The following PREPL variants were observed in gnomAD, a reference collection of about 807,000 sequenced individuals.
The protein encoded by PREPL is prolyl endopeptidase-like.
Under a neutral mutation model 70.6 loss-of-function variants are expected in PREPL, and 77 were observed. The ratio of observed to expected loss-of-function variants is 1.09; its 90% CI spans 0.91 to 1.32. The LOEUF (loss-of-function observed/expected upper bound fraction) is 1.32. Among genes scored for constraint, PREPL ranks in the 40% most tolerant of loss-of-function variants. PREPL has a pLI of 0.00. For synonymous variants in PREPL, 315 were observed against 264.8 expected (o/e 1.19, Z -1.84); for missense variants, 1,002 against 778.2 (o/e 1.29, Z -3.42).
intron 3 of PREPL, 122 bp from the exon 4 acceptor site, chr2:44,344,073 C>A: frequency 8.6e-7 from 1 of 1,165,528 alleles, no homozygotes. Flanking sequence ...TAGCTTCTTT[C>A]AACAATGATG....
At chr2:44,356,874 A>ACCTCACTGCAG (rs149319203) in intron 1 of PREPL, among the ~76,000 whole-genome samples, 19,058 of 141,078 alleles carry the variant, frequency 0.14, 3,946 homozygotes, top group African/African-American at 0.44. Context: ...CTGTGCCTCA[A>ACCTCACTGCAG]CCTCACTGCA....
chr2:44,328,384 C>A (rs1486388543), intron 9 of PREPL, among the ~76,000 whole-genome samples: 2 of 132,788 alleles, frequency 1.5e-5, no homozygotes, highest in African/African-American at 5.8e-5. Flanking sequence ...TTGCAGTGAG[C>A]CGAGATTGTG....
Position 44,326,808 on chromosome 2 carries a change from T to G in PREPL, c.1383A>C (p.Pro461=). 6.2e-7 allele frequency: 1 copy of G among 1,614,160 alleles called. No homozygotes were observed. Among genetic ancestry groups the G allele is most frequent in the Non-Finnish European group, 8.5e-7 (1 of 1,180,032 alleles). The change falls in exon 10 of 14, where the codon CCA becomes CCC. Residue 461 remains proline, a synonymous_variant. Coordinates refer to ENST00000409411, the MANE Select transcript of PREPL (RefSeq NM_001171613.2). ...TGAAAGCAGTCAGGGTTGTTAGACT[T>G]GGCTGAGAAAAGCCTTGGCCATGAA... is the stretch of plus-strand genomic sequence containing the variant. The part of the protein sequence containing the change: ...KTLHGQGFSQ[P]SLTTLTAFSA...
intron 4 of PREPL, among the ~76,000 whole-genome samples, chr2:44,343,307 T>A (rs771322210): frequency 1.3e-5 from 2 of 152,168 alleles, no homozygotes; most frequent in Admixed American, 6.6e-5. Flanking sequence ...ACAGCTTCCA[T>A]TGATAAACAG....
At chr2:44,346,474 G>A (rs894771570) in intron 1 of PREPL, 84 bp from the exon 2 acceptor site, 60 of 1,259,114 alleles carry the variant, frequency 4.8e-5, no homozygotes, top group South Asian at 4.3e-4. Context: ...GGTCTATACC[G>A]TAGACTTAAC....
At chr2:44,348,138 C>T (rs528481553) in intron 1 of PREPL, among the ~76,000 whole-genome samples, 1 of 152,130 alleles carries the variant, frequency 6.6e-6, no homozygotes, top group African/African-American at 2.4e-5. Context: ...AATCTTCCTG[C>T]CTCAGCCTCC....
At chr2:44,343,584 G>A (rs1362879902) in intron 4 of PREPL, among the ~76,000 whole-genome samples, 161 bp downstream of exon 4, 1 of 152,020 alleles carries the variant, frequency 6.6e-6, no homozygotes, top group Non-Finnish European at 1.5e-5. Flanking sequence ...ATTAAATAAG[G>A]GAAGGTCTCC....
rs546219789 is a variant in PREPL at position 44,320,795 on chromosome 2, T to C, written c.*561A>G. The C allele has an allele frequency of 1.5e-3, 1,019 of 681,016 alleles. 4 individuals carry two copies. The highest frequency in any genetic ancestry group is 1.7e-3 in the Non-Finnish European group (689 of 395,380). 42.2% of individuals were successfully genotyped at this position (681,016 alleles called of 1,614,324 possible). A position where few individuals can be genotyped will look rare whatever the true frequency, so the allele number is the denominator to read the frequency against. ...TGCTTTAAGAAAGGTTCTCAAATGT[T>C]TTGAAAAAAATAAAATGTTTAAAAG... On this transcript the variant is annotated 3_prime_UTR_variant, in exon 14 of 14. Coordinates refer to ENST00000409411, the MANE Select transcript of PREPL (RefSeq NM_001171613.2).
intron 1 of PREPL, among the ~76,000 whole-genome samples, chr2:44,353,372 G>A (rs567901175): frequency 1.7e-4 from 26 of 152,044 alleles, no homozygotes; most frequent in African/African-American, 6.3e-4. Flanking sequence ...TCACCCTGAG[G>A]TCAGGAGTTT....
chr2:44,341,909 A>G (rs1378552641), intron 5 of PREPL, among the ~76,000 whole-genome samples: 2 of 152,268 alleles, frequency 1.3e-5, no homozygotes, highest in Non-Finnish European at 1.5e-5. Context: ...TAGTAGCAAC[A>G]CATACTTTAA....
Position 44,339,324 on chromosome 2 carries a change from G to A in PREPL, c.525C>T (p.Phe175=), listed in dbSNP as rs766669617. Residue 175 remains phenylalanine, a synonymous_variant, in exon 6 of 14, where the codon TTC becomes TTT. Transcript: ENST00000409411. ...VFLYLTKDSR[F]LTINIMNKTT... is the part of the protein sequence containing the mutation. Reference sequence around the variant, plus strand: ...TCTTGTTCATAATATTTATGGTGAGGAAACGACTGTCTTTTGTAAGATAAA... The same window carrying A: ...TCTTGTTCATAATATTTATGGTGAGAAAACGACTGTCTTTTGTAAGATAAA... 3 of 1,613,836 alleles carry A rather than the reference G, an allele frequency of 1.9e-6. No homozygotes were observed. Among genetic ancestry groups the A allele is most frequent in the Admixed American group, 1.7e-5 (1 of 59,948 alleles).
Position 44,339,449 on chromosome 2 carries a change from T to C in PREPL, c.486-86A>G, listed in dbSNP as rs1674982687. 1.6e-5 allele frequency: 24 copies of C among 1,519,036 alleles called. No homozygotes were observed. The South Asian group carries it at 3.0e-4, about 19-fold the overall frequency. 94.1% of individuals were successfully genotyped at this position (1,519,036 alleles called of 1,614,324 possible). On this transcript the variant is annotated intron_variant, in intron 5 of 13. Transcript: ENST00000409411. ...AGGACAGTATCTCAGAGGTGGTCAG[T>C]ATACATGTTGATTTATAATGCAGAT...
intron 1 of PREPL, among the ~76,000 whole-genome samples, chr2:44,351,487 A>C (rs535670526): frequency 1.3e-5 from 2 of 150,196 alleles, no homozygotes; most frequent in East Asian, 3.9e-4. Context: ...CTGAACTTTA[A>C]ATCTCCCCAT....
intron 1 of PREPL, among the ~76,000 whole-genome samples, chr2:44,347,892 A>G (rs1380371526): frequency 6.6e-6 from 1 of 152,244 alleles, no homozygotes; most frequent in Non-Finnish European, 1.5e-5. Flanking sequence ...CAAGAATATA[A>G]CGGAAAAATC....
At position 44,338,284 on chromosome 2, in the gene PREPL, T is replaced by C. The variant is rs878955488; in HGVS notation, c.888+67A>G. 68 of 1,367,598 alleles carry C rather than the reference T, an allele frequency of 5.0e-5. 3 individuals are homozygous for C. In the South Asian group the frequency reaches 8.1e-4, roughly 16 times the overall value. 84.7% of individuals were successfully genotyped at this position (1,367,598 alleles called of 1,614,324 possible). On this transcript the variant is annotated intron_variant, in intron 7 of 13. Transcript: ENST00000409411. The stretch of plus-strand genomic sequence containing the variant: ...ACTGCTGCCACTATTCAAAATGTGA[T>C]GTTCTGTTAAGCTAAACTGCATAAA...
intron 9 of PREPL, 67 bp downstream of exon 9, chr2:44,328,870 A>G (rs1673800155): frequency 7.1e-7 from 1 of 1,410,864 alleles, no homozygotes; most frequent in Admixed American, 2.3e-5. Flanking sequence ...CCTGATATAT[A>G]TTGTTATTCT....
chr2:44,359,714 A>T (rs1486362888), intron 1 of PREPL: 2 of 1,599,588 alleles, frequency 1.3e-6, no homozygotes, highest in Non-Finnish European at 8.6e-7. Flanking sequence ...CTTCTGCTGC[A>T]TGATATCAAA....
chr2:44,334,837 C>G (rs940549843), intron 7 of PREPL, among the ~76,000 whole-genome samples: 1 of 152,174 alleles, frequency 6.6e-6, no homozygotes, highest in African/African-American at 2.4e-5. Context: ...GCCTTGGTCT[C>G]CCAAAGTGCT....
At chr2:44,360,555 G>A (rs951004089) in intron 1 of PREPL, 1 of 152,200 alleles carries the variant, frequency 6.6e-6, no homozygotes, top group African/African-American at 2.4e-5. Context: ...GGCCATCTCT[G>A]GTTTGTCAGG....
Sources: allele counts gnomAD v4.1 joint callset (sites outside exome capture counted in the v4.1 genomes callset), GRCh38; gene constraint gnomAD v4.1.1; transcripts MANE v1.5; gene names NCBI Gene and HGNC (gene_info 2026-07-23, HGNC 2026-07-21).